UBE3B: variants seen among roughly 807,000 people sequenced by gnomAD.
The protein encoded by UBE3B is ubiquitin protein ligase E3B, also known as ubiquitin-protein ligase E3B.
A neutral mutation model predicts 132.3 loss-of-function variants in UBE3B; 80 were observed. That is an observed-to-expected ratio of 0.60 (90% CI 0.50 to 0.73). UBE3B has a LOEUF of 0.73. Among genes scored for constraint, UBE3B ranks in the 30% least tolerant of loss-of-function variants. UBE3B has a pLI of 0.00. For synonymous variants in UBE3B, 487 were observed against 520.4 expected, an observed-to-expected ratio of 0.94 and a Z score of 0.87; for missense variants, 1,196 against 1,362.5, an observed-to-expected ratio of 0.88 and a Z score of 1.92.
At position 109,490,326 on chromosome 12, in the gene UBE3B, A is replaced by G. The variant is rs562869226; in HGVS notation, c.630+322A>G. 346 of 1,385,568 alleles carry G rather than the reference A, an allele frequency of 2.5e-4. No individual in the cohort carries two copies. The African/African-American group carries it at 4.6e-3, about 18-fold the overall frequency. The allele number at this position is 1,385,568 out of a possible 1,614,324, so 85.8% of individuals were successfully genotyped here. A position where few individuals can be genotyped will look rare whatever the true frequency, so the allele number is the denominator to read the frequency against. On this transcript the variant is annotated intron_variant, in intron 8 of 27. Coordinates refer to ENST00000342494, the MANE Select transcript of UBE3B (RefSeq NM_130466.4). ...TCCTTCTTGGTTGATGTCTAGAATC[A>G]TATTTCTAGCTCTGTGTCCTCAAAC...
At chr12:109,496,895 A>G (rs4766476) in intron 9 of UBE3B, among the ~76,000 whole-genome samples, 25,752 of 152,182 alleles carry the variant, frequency 0.17, 2,236 homozygotes, top group African/African-American at 0.18. Flanking sequence ...AAGAAGCACA[A>G]CTTACCTGTT....
chr12:109,489,598 C>T (rs928857027), intron 7 of UBE3B, among the ~76,000 whole-genome samples: 3 of 152,262 alleles, frequency 2.0e-5, no homozygotes, highest in South Asian at 2.1e-4. Context: ...ATCCCCCTGG[C>T]GAAGGCAGTG....
chr12:109,537,042 G>GT (rs749721290), downstream of UBE3B, among the ~76,000 whole-genome samples: 3 of 152,068 alleles, frequency 2.0e-5, no homozygotes, highest in Non-Finnish European at 2.9e-5. Flanking sequence ...TTGAGATGGG[G>GT]TTTTGCCATG....
chr12:109,497,121 A>G (rs535771809), intron 9 of UBE3B, among the ~76,000 whole-genome samples: 1 of 152,114 alleles, frequency 6.6e-6, no homozygotes, highest in African/African-American at 2.4e-5. Context: ...TTTTTTGATT[A>G]TGGAAGCAAT....
intron 8 of UBE3B, 173 bp downstream of exon 8, chr12:109,490,177 T>C: frequency 1.1e-6 from 1 of 871,770 alleles, no homozygotes; most frequent in Non-Finnish European, 1.9e-6. Flanking sequence ...CACTTGTGGG[T>C]CAGGTAAAGG....
intron 9 of UBE3B, among the ~76,000 whole-genome samples, chr12:109,493,039 G>A (rs1474797143): frequency 2.0e-5 from 3 of 152,154 alleles, no homozygotes; most frequent in African/African-American, 4.8e-5. Context: ...AGAACAGGAT[G>A]TAACCGGTTA....
chr12:109,482,727 C>G (rs976140032), intron 2 of UBE3B, among the ~76,000 whole-genome samples: 19 of 152,048 alleles, frequency 1.2e-4, no homozygotes, highest in Admixed American at 3.3e-4. Context: ...AAAAGCTGTT[C>G]CTTTAGGAAA....
Position 109,494,242 on chromosome 12 carries a change from G to T in UBE3B, c.713+3115G>T, listed in dbSNP as rs151321825. Among the ~76,000 whole-genome samples, 333 of 152,290 alleles carry T rather than the reference G, an allele frequency of 2.2e-3. 2 individuals carry two copies. In the Middle Eastern group the frequency reaches 0.027, roughly 12 times the overall value. ...ATTAAACCCAGGCTATTTAACTCCAGAACTCATACTCTTTCTTCTTATTCT... is the reference window on the plus strand; with the variant it reads ...ATTAAACCCAGGCTATTTAACTCCATAACTCATACTCTTTCTTCTTATTCT... On this transcript the variant is annotated intron_variant, in intron 9 of 27. Transcript: ENST00000342494.
chr12:109,537,677 A>G (rs938358914), downstream of UBE3B, among the ~76,000 whole-genome samples: 1 of 152,096 alleles, frequency 6.6e-6, no homozygotes, highest in Non-Finnish European at 1.5e-5. Flanking sequence ...ACCTAAAACT[A>G]AAGCTTTATT....
chr12:109,494,870 G>A (rs1877977024), intron 9 of UBE3B, among the ~76,000 whole-genome samples: 1 of 152,164 alleles, frequency 6.6e-6, no homozygotes, highest in South Asian at 2.1e-4. Flanking sequence ...TTAGGGATAT[G>A]GCCCAGGATG....
chr12:109,533,708 C>T, intron 27 of UBE3B, 150 bp downstream of exon 27: 1 of 887,208 alleles, frequency 1.1e-6, no homozygotes, highest in East Asian at 2.6e-5. Context: ...CCCCACAGTT[C>T]TCACGGCAGG....
intron 2 of UBE3B, among the ~76,000 whole-genome samples, chr12:109,482,198 G>A (rs1034251017): frequency 2.6e-5 from 4 of 151,970 alleles, no homozygotes; most frequent in African/African-American, 9.7e-5. Flanking sequence ...AAATTTCTTT[G>A]TATGGATGTA....
In UBE3B at chr12:109,503,145, A is replaced by T; in HGVS notation, c.1405A>T (p.Thr469Ser). ...KVCNICVLYQ[T>S]SLTTLTQIRL... ...TTGCAACATCTGTGTCCTCTACCAGACCTCGCTGACAACTCTCACACAGAT... is the reference window on the plus strand; with the variant it reads ...TTGCAACATCTGTGTCCTCTACCAGTCCTCGCTGACAACTCTCACACAGAT... Residue 469 changes from threonine to serine, a missense_variant, in exon 14 of 28, where the codon ACC (threonine) becomes TCC (serine). Coordinates refer to ENST00000342494, the MANE Select transcript of UBE3B (RefSeq NM_130466.4). 6.2e-7 allele frequency: 1 copy of T among 1,614,112 alleles called. No homozygotes were observed. The highest frequency in any genetic ancestry group is 2.2e-5 in the East Asian group (1 of 44,880).
intron 13 of UBE3B, among the ~76,000 whole-genome samples, chr12:109,502,804 A>G (rs192873361): frequency 2.0e-5 from 3 of 152,336 alleles, no homozygotes; most frequent in East Asian, 1.9e-4. Context: ...ATTCTGAGAA[A>G]TATTTGGGTA....
Position 109,533,473 on chromosome 12 carries a change from C to T in UBE3B, c.2930C>T (p.Thr977Ile), listed in dbSNP as rs1410921587. 3 of 1,614,014 alleles carry T rather than the reference C, an allele frequency of 1.9e-6. No homozygotes were observed. The highest frequency in any genetic ancestry group is 2.2e-5 in the East Asian group (1 of 44,890). The change falls in exon 27 of 28, where the codon ACC (threonine) becomes ATC (isoleucine). Residue 977 changes from threonine (T) to isoleucine (I), a missense_variant. By Grantham distance (89) the Thr-to-Ile change is moderately conservative. Transcript: ENST00000342494. ...DERAMFLKFV[T>I]SCSRPPLLGF... ...CCCTGCTTTGTGTTGCAGTTCGTGACCAGCTGCTCCAGACCCCCGCTCCTG... is the reference window on the plus strand; with the variant it reads ...CCCTGCTTTGTGTTGCAGTTCGTGATCAGCTGCTCCAGACCCCCGCTCCTG...
intron 19 of UBE3B, 157 bp from the exon 20 acceptor site, chr12:109,520,991 A>G: frequency 3.9e-6 from 3 of 765,418 alleles, no homozygotes; most frequent in African/African-American, 1.8e-5. Context: ...GCACTCATTC[A>G]AAAGCAGGTG....
intron 19 of UBE3B, chr12:109,520,048 G>C (rs1881513199): frequency 2.0e-5 from 3 of 152,278 alleles, no homozygotes; most frequent in Admixed American, 6.5e-5. Context: ...GAGACAGCCT[G>C]TCTAACCTGC....
intron 1 of UBE3B, among the ~76,000 whole-genome samples, chr12:109,479,197 T>C (rs924962124): frequency 6.6e-6 from 1 of 152,202 alleles, no homozygotes; most frequent in Non-Finnish European, 1.5e-5. Context: ...CAACCTCTTA[T>C]TTTCTAATCT....
intron 11 of UBE3B, among the ~76,000 whole-genome samples, chr12:109,498,919 G>A (rs1470830389): frequency 1.3e-5 from 2 of 150,878 alleles, no homozygotes; most frequent in Non-Finnish European, 2.9e-5. Context: ...TCTACCTCCT[G>A]GGCTTAGGTG....
Sources: gnomAD v4.1 joint callset for allele counts (sites outside exome capture counted in the v4.1 genomes callset) on GRCh38, gnomAD v4.1.1 for gene constraint, MANE v1.5 for transcripts, NCBI Gene and HGNC (gene_info 2026-07-23, HGNC 2026-07-21) for gene names.